Variants in OLFM3 observed in about 807,000 individuals in gnomAD.
The protein encoded by OLFM3 is noelin-3.
In OLFM3, 20 loss-of-function variants were observed where a neutral mutation model predicts 48.6. That is an observed-to-expected ratio of 0.41 (90% CI 0.29 to 0.60). The LOEUF is 0.60. OLFM3 is among the 20% of genes least tolerant of loss of function. The pLI is 0.28. For missense variants in OLFM3, 437 were observed against 544.3 expected, an observed-to-expected ratio of 0.80 and a Z score of 1.96; for synonymous variants, 222 against 198.1, an observed-to-expected ratio of 1.12 and a Z score of -1.01.
In OLFM3 at chr1:101,803,766, A is replaced by T. The variant is rs562527779; in HGVS notation, c.*472T>A. On this transcript the variant is annotated 3_prime_UTR_variant, in exon 6 of 6. Transcript: ENST00000370103. ...AGCAAAATGATTAATATTATTTTTC[A>T]ATATAAATGAAATCCTTACATTTTT... 3 of 152,698 alleles carry T rather than the reference A, an allele frequency of 2.0e-5. No individual in the cohort carries two copies. In the East Asian group the frequency reaches 5.8e-4, roughly 30 times the overall value. The allele number at this position is 152,698 out of a possible 1,614,324, so 9.5% of individuals were successfully genotyped here. A position where few individuals can be genotyped will look rare whatever the true frequency, so the allele number is the denominator to read the frequency against.
chr1:101,862,152 T>A (rs1656685859), intron 1 of OLFM3, among the ~76,000 whole-genome samples: 2 of 152,216 alleles, frequency 1.3e-5, no homozygotes, highest in African/African-American at 4.8e-5. Context: ...GAATATTGTA[T>A]CTGAAAAACC....
Position 101,804,271 on chromosome 1 carries a change from A to G in OLFM3, c.1344T>C (p.Leu448=). The change falls in exon 6 of 6, where the codon CTT becomes CTC. Residue 448 remains leucine, a synonymous_variant. Coordinates refer to ENST00000370103, the MANE Select transcript of OLFM3 (RefSeq NM_058170.4). The surrounding 1 kb of genome is among the most constrained non-coding windows in gnomAD (Gnocchi z 4.5). ...CATCCTCTGTCTTGATGATATGGAAAAGGGTGACATTGAACAGCACCTGGT... is the reference window on the plus strand; with the variant it reads ...CATCCTCTGTCTTGATGATATGGAAGAGGGTGACATTGAACAGCACCTGGT... ...NGHQVLFNVT[L]FHIIKTEDDT 6.2e-7 allele frequency: 1 copy of G among 1,605,520 alleles called. No homozygotes were observed. The highest frequency in any genetic ancestry group is 1.1e-5 in the South Asian group (1 of 89,706).
At chr1:101,910,028 C>T (rs1658695131) in intron 1 of OLFM3, 1 of 985,388 alleles carries the variant, frequency 1.0e-6, no homozygotes, top group Non-Finnish European at 1.2e-6. Context: ...ATTTTTCCTC[C>T]TCCTCACCTT....
Position 101,880,650 on chromosome 1 carries a change from T to G in OLFM3, c.70-43625A>C, listed in dbSNP as rs1657488007. Reference sequence around the variant, plus strand: ...ATGGACTTGCCCCTAGAGGTAGTTGTTAATAATTTTGAAATATTAAGGTCT... The same window carrying G: ...ATGGACTTGCCCCTAGAGGTAGTTGGTAATAATTTTGAAATATTAAGGTCT... On this transcript the variant is annotated intron_variant, in intron 1 of 5. Transcript: ENST00000370103. Among the ~76,000 whole-genome samples, 3 of 151,796 alleles carry G rather than the reference T, an allele frequency of 2.0e-5. 1 individual carries two copies. In the South Asian group the frequency reaches 6.2e-4, roughly 31 times the overall value.
intron 1 of OLFM3, among the ~76,000 whole-genome samples, chr1:101,879,557 G>A (rs1274904407): frequency 3.3e-5 from 5 of 151,692 alleles, no homozygotes; most frequent in Non-Finnish European, 7.4e-5. Context: ...AATACATTGG[G>A]TCTGGGTCAA....
chr1:101,914,255 T>A (rs1658854028), intron 1 of OLFM3, among the ~76,000 whole-genome samples: 1 of 152,180 alleles, frequency 6.6e-6, no homozygotes, highest in Non-Finnish European at 1.5e-5. Flanking sequence ...TAAACTGAAT[T>A]GGGTTCCCAT....
rs569772451 is a variant in OLFM3, at chr1:101,996,806, G to A, written c.11C>T (p.Thr4Met). 1 of 1,614,210 alleles carries A rather than the reference G, an allele frequency of 6.2e-7. No individual in the cohort carries two copies. Among genetic ancestry groups the A allele is most frequent in the East Asian group, 2.2e-5 (1 of 44,876 alleles). ...CAGCAGGAGGTTGAGAAGGTTGGAC[G>A]TCGCCTGCATTCTGATCTGGGTTTT... is the stretch of plus-strand genomic sequence containing the variant. MQA[T>M]SNLLNLLLLS... Residue 4 changes from threonine (T) to methionine (M), a missense_variant, in exon 1 of 6, where the codon ACG (threonine) becomes ATG (methionine). Thr to Met is a moderately conservative substitution (Grantham distance 81). Coordinates refer to ENST00000370103, the MANE Select transcript of OLFM3 (RefSeq NM_058170.4).
intron 1 of OLFM3, among the ~76,000 whole-genome samples, chr1:101,957,696 C>G (rs571355535): frequency 1.3e-5 from 2 of 152,008 alleles, no homozygotes; most frequent in Non-Finnish European, 2.9e-5. Context: ...TAAGTGAGGT[C>G]TCTCTGGGAA....
chr1:101,990,160 A>T, intron 1 of OLFM3, among the ~76,000 whole-genome samples: 1 of 152,170 alleles, frequency 6.6e-6, no homozygotes, highest in Non-Finnish European at 1.5e-5. Flanking sequence ...TTCCTAAGAA[A>T]CTTGTAAAAT....
At position 101,803,754 on chromosome 1, in the gene OLFM3, A is replaced by C. The variant is rs1653608324; in HGVS notation, c.*484T>G. On this transcript the variant is annotated 3_prime_UTR_variant, in exon 6 of 6. Coordinates refer to ENST00000370103, the MANE Select transcript of OLFM3 (RefSeq NM_058170.4). ...AATTGTGTTAACAGCAAAATGATTA[A>C]TATTATTTTTCAATATAAATGAAAT... 6.6e-6 allele frequency: 1 copy of C among 152,620 alleles called. No individual in the cohort carries two copies. The highest frequency in any genetic ancestry group is 2.4e-5 in the African/African-American group (1 of 41,398). The allele number at this position is 152,620 out of a possible 1,614,324, so 9.5% of individuals were successfully genotyped here.
intron 1 of OLFM3, among the ~76,000 whole-genome samples, chr1:101,871,522 T>C (rs1416295447): frequency 6.6e-6 from 1 of 152,112 alleles, no homozygotes; most frequent in Non-Finnish European, 1.5e-5. Flanking sequence ...CAGTAAGAAT[T>C]GATAGCTTGA....
chr1:101,985,542 T>C (rs1480859242), intron 1 of OLFM3, among the ~76,000 whole-genome samples: 1 of 152,196 alleles, frequency 6.6e-6, no homozygotes, highest in Non-Finnish European at 1.5e-5. Context: ...ATCGGAAACA[T>C]ATAGACAGAA....
intron 3 of OLFM3, among the ~76,000 whole-genome samples, chr1:101,825,664 C>T (rs1451207302): frequency 6.6e-6 from 1 of 152,122 alleles, no homozygotes; most frequent in East Asian, 1.9e-4. Flanking sequence ...TAGGTCAATA[C>T]CCTATGATTG....
At chr1:101,835,579 T>C (rs1655362203) in intron 2 of OLFM3, among the ~76,000 whole-genome samples, 1 of 152,192 alleles carries the variant, frequency 6.6e-6, no homozygotes, top group Non-Finnish European at 1.5e-5. Flanking sequence ...CCTCCCAAAG[T>C]GTTGGGATTA....
At chr1:101,934,950 C>T (rs1490212845) in intron 1 of OLFM3, among the ~76,000 whole-genome samples, 1 of 152,066 alleles carries the variant, frequency 6.6e-6, no homozygotes, top group Non-Finnish European at 1.5e-5. Context: ...ACCAGAATCT[C>T]TGAGACACTG....
chr1:101,921,200 T>TACACGCACACAC (rs1553179949), intron 1 of OLFM3, among the ~76,000 whole-genome samples: 1 of 148,054 alleles, frequency 6.8e-6, no homozygotes, highest in East Asian at 2.0e-4. Context: ...TTTAAGTTTA[T>TACACGCACACAC]ACACACACAC....
At chr1:101,927,522 AT>A (rs1454112640) in intron 1 of OLFM3, among the ~76,000 whole-genome samples, 7 of 151,778 alleles carry the variant, frequency 4.6e-5, no homozygotes, top group African/African-American at 1.7e-4. Flanking sequence ...ACTATGGAAA[AT>A]TTTCTTTCTT....
At chr1:101,985,598 TTCTC>T (rs1173665260) in intron 1 of OLFM3, among the ~76,000 whole-genome samples, 1 of 152,130 alleles carries the variant, frequency 6.6e-6, no homozygotes, top group African/African-American at 2.4e-5. Context: ...GAAATAGAGG[TTCTC>T]TCTATTTTCT....
At chr1:101,912,156 G>C (rs1011310240) in intron 1 of OLFM3, among the ~76,000 whole-genome samples, 1 of 152,062 alleles carries the variant, frequency 6.6e-6, no homozygotes, top group Non-Finnish European at 1.5e-5. Flanking sequence ...CTTTTTCTTG[G>C]CTCTATCAAT....
Sources: gnomAD v4.1 joint callset for allele counts (sites outside exome capture counted in the v4.1 genomes callset) on GRCh38, gnomAD v4.1.1 for gene constraint, Gnocchi (gnomAD v3.1) non-coding constraint, MANE v1.5 for transcripts, NCBI Gene and HGNC (gene_info 2026-07-23, HGNC 2026-07-21) for gene names.